Variants in EAF1 observed in about 807,000 individuals in gnomAD.
The protein encoded by EAF1 is ELL-associated factor 1.
Under a neutral mutation model 26.6 loss-of-function variants are expected in EAF1, and 19 were observed. The ratio of observed to expected loss-of-function variants is 0.71; its 90% CI spans 0.50 to 1.05. The LOEUF is 1.05. Among genes scored for constraint, EAF1 ranks in the 50% least tolerant of loss-of-function variants. The pLI, the probability that EAF1 is intolerant of heterozygous loss-of-function variation, is 0.00. For synonymous variants in EAF1, 102 were observed against 120.6 expected (o/e 0.85, Z 1.01); for missense variants, 260 against 335.5 (o/e 0.78, Z 1.76).
rs925709407 is a variant in EAF1 at position 15,441,750 on chromosome 3, C to G, written c.*2595C>G. On this transcript the variant is annotated 3_prime_UTR_variant, in exon 6 of 6. Transcript: ENST00000396842. ...TGGGGTATCCACAGGAATGGACATT[C>G]AAATGGTTGTAGCCTGGTGGGGTAG... 1 of 152,500 alleles carries G rather than the reference C, an allele frequency of 6.6e-6. No homozygotes were observed. The highest frequency in any genetic ancestry group is 1.5e-5 in the Non-Finnish European group (1 of 68,022). 9.4% of individuals were successfully genotyped at this position (152,500 alleles called of 1,614,324 possible). A position where few individuals can be genotyped will look rare whatever the true frequency, so the allele number is the denominator to read the frequency against.
At chr3:15,431,281 A>C (rs890355553) in intron 2 of EAF1, among the ~76,000 whole-genome samples, 1 of 152,242 alleles carries the variant, frequency 6.6e-6, no homozygotes, top group Admixed American at 6.5e-5. Context: ...AAATTAATAC[A>C]AGAAAATATA....
rs2061872230 is a variant in EAF1 at position 15,441,820 on chromosome 3, A to G, written c.*2665A>G. ...AGCCAGTGAAGTGCAGAGGATAGAC[A>G]TAGGAAAACATTCCAGGCATTTGGA... On this transcript the variant is annotated 3_prime_UTR_variant, in exon 6 of 6. Coordinates refer to ENST00000396842, the MANE Select transcript of EAF1 (RefSeq NM_033083.7). 2 of 152,678 alleles carry G rather than the reference A, an allele frequency of 1.3e-5. No individual in the cohort carries two copies. The allele number at this position is 152,678 out of a possible 1,614,324, so 9.5% of individuals were successfully genotyped here.
chr3:15,433,262 G>A (rs1034996529), intron 3 of EAF1: 1 of 151,504 alleles, frequency 6.6e-6, no homozygotes, highest in African/African-American at 2.5e-5. Flanking sequence ...AAAAAGGTAC[G>A]GAGACTGAGG....
rs1347635561 is a variant in EAF1 at position 15,442,221 on chromosome 3, G to GTA, written c.*3067_*3068insAT. The GTA allele has an allele frequency of 6.6e-6, 1 of 152,368 alleles. No individual in the cohort carries two copies. Among genetic ancestry groups the GTA allele is most frequent in the Non-Finnish European group, 1.5e-5 (1 of 68,016 alleles). The allele number at this position is 152,368 out of a possible 1,614,324, so 9.4% of individuals were successfully genotyped here. ...CTGGTTCAGCAGGGTGTGTGTGTGTGTGTGTGTGTGTGTGTATGAATGGTA... is the reference window on the plus strand; with the variant it reads ...CTGGTTCAGCAGGGTGTGTGTGTGTGTATGTGTGTGTGTGTGTATGAATGGTA... On this transcript the variant is annotated 3_prime_UTR_variant, in exon 6 of 6. Transcript: ENST00000396842.
At position 15,439,526 on chromosome 3, in the gene EAF1, C is replaced by A. The variant is rs80277453; in HGVS notation, c.*371C>A. On this transcript the variant is annotated 3_prime_UTR_variant, in exon 6 of 6. Transcript: ENST00000396842. ...AAACCTCAGCAGCCATCAGTTTGGCCAAGTGGTTGGTACCAGTGGAATGAA... is the reference window on the plus strand; with the variant it reads ...AAACCTCAGCAGCCATCAGTTTGGCAAAGTGGTTGGTACCAGTGGAATGAA... 1,075 of 178,260 alleles carry A rather than the reference C, an allele frequency of 6.0e-3. 18 individuals carry two copies. The highest frequency in any genetic ancestry group is 0.024 in the African/African-American group (1,023 of 42,436). The allele number at this position is 178,260 out of a possible 1,614,324, so 11.0% of individuals were successfully genotyped here. A position where few individuals can be genotyped will look rare whatever the true frequency, so the allele number is the denominator to read the frequency against.
chr3:15,433,085 A>G (rs1252177262), intron 3 of EAF1: 5 of 152,150 alleles, frequency 3.3e-5, no homozygotes, highest in Admixed American at 3.3e-4. Flanking sequence ...GAAAGGTGTT[A>G]TTATTATTTT....
At chr3:15,436,281 C>T in intron 4 of EAF1, 61 bp from the exon 5 acceptor site, 1 of 1,281,530 alleles carries the variant, frequency 7.8e-7, no homozygotes, top group African/African-American at 1.4e-5. Context: ...TTTATAGAAG[C>T]TCCAATGCAC....
intron 5 of EAF1, among the ~76,000 whole-genome samples, chr3:15,437,574 C>T (rs551102061): frequency 6.6e-6 from 1 of 152,244 alleles, no homozygotes; most frequent in Admixed American, 6.5e-5. Flanking sequence ...CATGAACCAC[C>T]ATGCCTGGCC....
Position 15,439,090 on chromosome 3 carries a change from TA to T in EAF1, c.761-18del, listed in dbSNP as rs563748645. The T allele has an allele frequency of 1.5e-4, 234 of 1,598,746 alleles. No homozygotes were observed. In the African/African-American group the frequency reaches 2.3e-3, roughly 16 times the overall value. On this transcript the variant is annotated intron_variant, in intron 5 of 5. Coordinates refer to ENST00000396842, the MANE Select transcript of EAF1 (RefSeq NM_033083.7). ...TTTGTTTGATTCTATGATTTTACTTTATTTTTTTTTTTAAATAGGAAATGAC... is the reference window on the plus strand; with the variant it reads ...TTTGTTTGATTCTATGATTTTACTTTTTTTTTTTTTTAAATAGGAAATGAC...
chr3:15,428,614 A>G (rs897557622), intron 1 of EAF1, among the ~76,000 whole-genome samples: 1 of 151,730 alleles, frequency 6.6e-6, no homozygotes, highest in Non-Finnish European at 1.5e-5. Context: ...GAAGCAGAAG[A>G]GAGCAGGCGT....
Position 15,442,233 on chromosome 3 carries a change from G to GT in EAF1, c.*3079dup, listed in dbSNP as rs1300766260. The GT allele has an allele frequency of 6.6e-6, 1 of 152,408 alleles. No homozygotes were observed. The highest frequency in any genetic ancestry group is 2.4e-5 in the African/African-American group (1 of 41,374). The allele number at this position is 152,408 out of a possible 1,614,324, so 9.4% of individuals were successfully genotyped here. A position where few individuals can be genotyped will look rare whatever the true frequency, so the allele number is the denominator to read the frequency against. On this transcript the variant is annotated 3_prime_UTR_variant, in exon 6 of 6. Coordinates refer to ENST00000396842, the MANE Select transcript of EAF1 (RefSeq NM_033083.7). ...GGTGTGTGTGTGTGTGTGTGTGTGT[G>GT]TGTATGAATGGTATATTTATTACAT...
At chr3:15,434,649 A>C in intron 4 of EAF1, 111 bp downstream of exon 4, 7 of 1,301,294 alleles carry the variant, frequency 5.4e-6, no homozygotes, top group Non-Finnish European at 7.5e-6. Flanking sequence ...ATTCAATGCC[A>C]TCAAAAAAAT....
Position 15,429,109 on chromosome 3 carries a change from T to C in EAF1, c.104-804T>C, listed in dbSNP as rs373541723. 2.4e-4 allele frequency among the ~76,000 whole-genome samples: 36 copies of C among 152,370 alleles called. 3 individuals carry two copies. The highest frequency in any genetic ancestry group is 1.2e-3 in the Admixed American group (18 of 15,304). On this transcript the variant is annotated intron_variant, in intron 1 of 5. Coordinates refer to ENST00000396842, the MANE Select transcript of EAF1 (RefSeq NM_033083.7). Reference sequence around the variant, plus strand: ...TGAATGTGAATTAAGATGGCTATTATGTTGTATTCTAACTGCAGTTTAGAA... The same window carrying C: ...TGAATGTGAATTAAGATGGCTATTACGTTGTATTCTAACTGCAGTTTAGAA...
At chr3:15,432,571 A>G (rs2061808020) in intron 3 of EAF1, among the ~76,000 whole-genome samples, 1 of 152,232 alleles carries the variant, frequency 6.6e-6, no homozygotes, top group Non-Finnish European at 1.5e-5. Flanking sequence ...AATATATACT[A>G]TACTTAACTG....
At position 15,428,243 on chromosome 3, in the gene EAF1, G is replaced by T. The variant is rs369325603; in HGVS notation, c.103+361G>T. Among the ~76,000 whole-genome samples, 224 of 118,246 alleles carry T rather than the reference G, an allele frequency of 1.9e-3. 2 individuals carry two copies. Among genetic ancestry groups the T allele is most frequent in the African/African-American group, 7.1e-3 (212 of 29,874 alleles). The allele number at this position is 118,246 out of a possible 152,430, so 77.6% of individuals were successfully genotyped here. Reference sequence around the variant, plus strand: ...TCTTATCCGGGTCCACTTCTCCCTCGAAACCCCTCCCCTCCTTTCCGATGC... The same window carrying T: ...TCTTATCCGGGTCCACTTCTCCCTCTAAACCCCTCCCCTCCTTTCCGATGC... On this transcript the variant is annotated intron_variant, in intron 1 of 5. Coordinates refer to ENST00000396842, the MANE Select transcript of EAF1 (RefSeq NM_033083.7).
rs2061874430 is a variant in EAF1, at chr3:15,442,080, G to A, written c.*2925G>A. On this transcript the variant is annotated 3_prime_UTR_variant, in exon 6 of 6. Transcript: ENST00000396842. Reference sequence around the variant, plus strand: ...GTTTGTAATCATGCCACTCACTAACGATTTTATTTCTGTAGCAGAATCATT... The same window carrying A: ...GTTTGTAATCATGCCACTCACTAACAATTTTATTTCTGTAGCAGAATCATT... 6.6e-6 allele frequency: 1 copy of A among 152,484 alleles called. No homozygotes were observed. Among genetic ancestry groups the A allele is most frequent in the Non-Finnish European group, 1.5e-5 (1 of 68,012 alleles). 9.4% of individuals were successfully genotyped at this position (152,484 alleles called of 1,614,324 possible). A position where few individuals can be genotyped will look rare whatever the true frequency, so the allele number is the denominator to read the frequency against.
intron 3 of EAF1, among the ~76,000 whole-genome samples, chr3:15,434,107 T>C (rs1024390914): frequency 3.9e-5 from 6 of 152,324 alleles, no homozygotes; most frequent in African/African-American, 1.4e-4. Context: ...TTTGAGCTCA[T>C]CGAGGGCAGT....
In EAF1 at chr3:15,429,907, C is replaced by T. The variant is rs752025096; in HGVS notation, c.104-6C>T. ...TGGGTAAGTGCTTTTTTTCCTTTCC[C>T]TTTAGATGATTTTAAACCAGCATCT... On this transcript the variant is annotated splice_region_variant and splice_polypyrimidine_tract_variant and intron_variant, in intron 1 of 5. Coordinates refer to ENST00000396842, the MANE Select transcript of EAF1 (RefSeq NM_033083.7). 3.7e-6 allele frequency: 6 copies of T among 1,608,734 alleles called. No individual in the cohort carries two copies. In the African/African-American group the frequency reaches 8.0e-5, roughly 22 times the overall value.
intron 5 of EAF1, among the ~76,000 whole-genome samples, chr3:15,436,872 A>G (rs1287187366): frequency 6.6e-6 from 1 of 152,146 alleles, no homozygotes; most frequent in Non-Finnish European, 1.5e-5. Flanking sequence ...TCGGGGAGCT[A>G]CCTGCCACCA....
Sources: gnomAD v4.1 joint callset for allele counts (sites outside exome capture counted in the v4.1 genomes callset) on GRCh38, gnomAD v4.1.1 for gene constraint, MANE v1.5 for transcripts, NCBI Gene and HGNC (gene_info 2026-07-23, HGNC 2026-07-21) for gene names.